The following PHIP variants were observed in gnomAD, a reference collection of about 807,000 sequenced individuals.
PHIP encodes the protein PH-interacting protein.
Under a neutral mutation model 236.8 loss-of-function variants are expected in PHIP, and 54 were observed. The observed-to-expected ratio is 0.23, with a 90% confidence interval of 0.18 to 0.29. The LOEUF is 0.29. PHIP is among the 10% of genes least tolerant of loss of function. The pLI is 1.00. For missense variants in PHIP, 1,370 were observed against 2,190.8 expected (o/e 0.63, Z 7.48); for synonymous variants, 756 against 718.9 (o/e 1.05, Z -0.83).
chr6:79,036,770 A>C (rs1274641754), intron 7 of PHIP, among the ~76,000 whole-genome samples: 1 of 151,792 alleles, frequency 6.6e-6, no homozygotes, highest in African/African-American at 2.4e-5. Context: ...AAATACAAAA[A>C]ATTAGCCAGG....
intron 31 of PHIP, among the ~76,000 whole-genome samples, 200 bp from the exon 32 acceptor site, chr6:78,958,800 T>C (rs954521100): frequency 6.6e-6 from 1 of 152,068 alleles, no homozygotes; most frequent in African/African-American, 2.4e-5. Context: ...AACTACGTAT[T>C]TGCATACAAG....
Position 79,055,161 on chromosome 6 carries a change from A to T in PHIP, c.439+5317T>A, listed in dbSNP as rs182690491. Among the ~76,000 whole-genome samples, 72 of 152,212 alleles carry T rather than the reference A, an allele frequency of 4.7e-4. 1 individual carries two copies. Among genetic ancestry groups the T allele is most frequent in the Admixed American group, 7.9e-4 (12 of 15,286 alleles). ...GAAATACTTAGGCAAAACACCAAAAACGATGACAAATGAAAGACCTAGAGA... is the reference window on the plus strand; with the variant it reads ...GAAATACTTAGGCAAAACACCAAAATCGATGACAAATGAAAGACCTAGAGA... On this transcript the variant is annotated intron_variant, in intron 6 of 39. Transcript: ENST00000275034.
chr6:78,990,057 A>G (rs935759334), intron 20 of PHIP, among the ~76,000 whole-genome samples: 3 of 152,170 alleles, frequency 2.0e-5, no homozygotes, highest in Non-Finnish European at 4.4e-5. Context: ...AAGAAGACTG[A>G]TTTAGGAGTT....
chr6:78,961,901 TA>T, intron 30 of PHIP, 91 bp from the exon 31 acceptor site: 1 of 911,206 alleles, frequency 1.1e-6, no homozygotes, highest in South Asian at 1.7e-5. Context: ...TAAAAAGTCC[TA>T]ATCTACATAA....
rs116572341 is a variant in PHIP at position 79,033,485 on chromosome 6, T to C, written c.601-7321A>G. Among the ~76,000 whole-genome samples the C allele has an allele frequency of 3.2e-3, 480 of 152,334 alleles. 3 individuals carry two copies. Among genetic ancestry groups the C allele is most frequent in the African/African-American group, 0.011 (454 of 41,572 alleles). ...CTTCATTAGCACTTGTTGCTTCACG[T>C]TGCACTTTTATGTTATGGAGATGGC... On this transcript the variant is annotated intron_variant, in intron 7 of 39. Coordinates refer to ENST00000275034, the MANE Select transcript of PHIP (RefSeq NM_017934.7).
At chr6:79,036,793 T>G (rs1354645887) in intron 7 of PHIP, among the ~76,000 whole-genome samples, 1 of 151,488 alleles carries the variant, frequency 6.6e-6, no homozygotes, top group Non-Finnish European at 1.5e-5. Context: ...TGGTGGTGGG[T>G]GCCTGTAATG....
At chr6:79,058,993 T>G (rs1457644351) in intron 6 of PHIP, among the ~76,000 whole-genome samples, 1 of 152,084 alleles carries the variant, frequency 6.6e-6, no homozygotes, top group Admixed American at 6.6e-5. Flanking sequence ...CTCTCAAATT[T>G]TTTTGTTGTT....
At chr6:78,990,580 A>C (rs1769172895) in intron 20 of PHIP, among the ~76,000 whole-genome samples, 2 of 152,214 alleles carry the variant, frequency 1.3e-5, no homozygotes, top group African/African-American at 4.8e-5. Flanking sequence ...ATGGCACACA[A>C]GATTATGAAG....
In PHIP at chr6:78,936,237, A is replaced by T. The variant is rs1006138323; in HGVS notation, c.*4456T>A. On this transcript the variant is annotated 3_prime_UTR_variant, in exon 40 of 40. Coordinates refer to ENST00000275034, the MANE Select transcript of PHIP (RefSeq NM_017934.7). Reference sequence around the variant, plus strand: ...TTCTGTACAAAATAAGCATAATCTTAATTTGAAAATGTGTCAGTTTCAACT... The same window carrying T: ...TTCTGTACAAAATAAGCATAATCTTTATTTGAAAATGTGTCAGTTTCAACT... The T allele has an allele frequency of 6.6e-6, 1 of 151,984 alleles. No individual in the cohort carries two copies. The highest frequency in any genetic ancestry group is 2.4e-5 in the African/African-American group (1 of 41,448). 9.4% of individuals were successfully genotyped at this position (151,984 alleles called of 1,614,324 possible). A position where few individuals can be genotyped will look rare whatever the true frequency, so the allele number is the denominator to read the frequency against.
chr6:79,065,745 C>T (rs1365008639), intron 4 of PHIP, among the ~76,000 whole-genome samples: 1 of 149,368 alleles, frequency 6.7e-6, no homozygotes, highest in Admixed American at 6.7e-5. Flanking sequence ...GGCCATGAAT[C>T]TTTTTGCTCT....
intron 29 of PHIP, among the ~76,000 whole-genome samples, chr6:78,964,155 A>G (rs1367636817): frequency 6.6e-6 from 1 of 152,202 alleles, no homozygotes; most frequent in Non-Finnish European, 1.5e-5. Context: ...AACATAAGCC[A>G]TGTAACATGG....
chr6:78,996,128 C>T (rs6940637), intron 19 of PHIP, among the ~76,000 whole-genome samples: 68,176 of 152,030 alleles, frequency 0.45, 15,951 homozygotes, highest in East Asian at 0.69. Flanking sequence ...CATTCCTCTC[C>T]AGAGGAGGAG....
intron 21 of PHIP, among the ~76,000 whole-genome samples, chr6:78,987,072 T>C (rs1459273810): frequency 6.6e-6 from 1 of 152,110 alleles, no homozygotes; most frequent in African/African-American, 2.4e-5. Flanking sequence ...CAATGGACTC[T>C]TCTAGAAATA....
In PHIP at chr6:78,947,642, G is replaced by T; in HGVS notation, c.4187C>A (p.Thr1396Lys). The change falls in exon 36 of 40, where the codon ACA becomes AAA. Residue 1396 changes from threonine (T) to lysine (K), a missense_variant. Coordinates refer to ENST00000275034, the MANE Select transcript of PHIP (RefSeq NM_017934.7). ...RLIFSNSKAY[T>K]PSKRSRIYSM... ...ATATACCCTTGATCTTTTGCTTGGTGTATATGCTTTGGAATTACTGAAAAT... is the reference window on the plus strand; with the variant it reads ...ATATACCCTTGATCTTTTGCTTGGTTTATATGCTTTGGAATTACTGAAAAT... 6.8e-7 allele frequency: 1 copy of T among 1,461,552 alleles called. No homozygotes were observed. The highest frequency in any genetic ancestry group is 9.6e-7 in the Non-Finnish European group (1 of 1,042,736). The allele number at this position is 1,461,552 out of a possible 1,614,324, so 90.5% of individuals were successfully genotyped here. A position where few individuals can be genotyped will look rare whatever the true frequency, so the allele number is the denominator to read the frequency against.
chr6:78,955,412 A>T, intron 33 of PHIP, 130 bp from the exon 34 acceptor site: 1 of 665,788 alleles, frequency 1.5e-6, no homozygotes, highest in Non-Finnish European at 2.4e-6. Flanking sequence ...CACTTTATTG[A>T]CTCATTAAAA....
At chr6:79,064,012 C>T (rs188036409) in intron 4 of PHIP, among the ~76,000 whole-genome samples, 1 of 152,232 alleles carries the variant, frequency 6.6e-6, no homozygotes, top group Non-Finnish European at 1.5e-5. Context: ...ATGACCTAAC[C>T]TACTTTACAG....
chr6:79,033,177 CAAAGT>C (rs1365697591), intron 7 of PHIP, among the ~76,000 whole-genome samples: 1 of 151,910 alleles, frequency 6.6e-6, no homozygotes, highest in Admixed American at 6.6e-5. Context: ...AGAGCACAAG[CAAAGT>C]AGTTTAGCAT....
chr6:78,952,344 A>G (rs1440857796), intron 35 of PHIP, among the ~76,000 whole-genome samples: 1 of 150,546 alleles, frequency 6.6e-6, no homozygotes, highest in African/African-American at 2.4e-5. Context: ...GCTTGAATCC[A>G]GGAGGCAGAG....
chr6:79,053,322 A>C (rs181383553), intron 6 of PHIP, among the ~76,000 whole-genome samples: 1 of 152,274 alleles, frequency 6.6e-6, no homozygotes, highest in Non-Finnish European at 1.5e-5. Context: ...TCAAAAGAAT[A>C]AAATTAAATT....
Sources: gnomAD v4.1 joint callset for allele counts (sites outside exome capture counted in the v4.1 genomes callset) on GRCh38, gnomAD v4.1.1 for gene constraint, MANE v1.5 for transcripts, NCBI Gene and HGNC (gene_info 2026-07-23, HGNC 2026-07-21) for gene names.